Variants in IL6ST observed in about 807,000 individuals in gnomAD.
IL6ST encodes interleukin 6 cytokine family signal transducer.
IL6ST carries 24 observed loss-of-function variants against 91.3 expected under a neutral mutation model. The ratio of observed to expected loss-of-function variants is 0.26; its 90% CI spans 0.19 to 0.37. The LOEUF is 0.37. Among genes scored for constraint, IL6ST ranks in the 10% least tolerant of loss-of-function variants. The pLI is 1.00. For missense variants in IL6ST, 914 were observed against 1,078.5 expected, an observed-to-expected ratio of 0.85 and a Z score of 2.14; for synonymous variants, 351 against 373.6, an observed-to-expected ratio of 0.94 and a Z score of 0.70.
In IL6ST at chr5:55,936,885, G is replaced by A. The variant is rs1750564441; in HGVS notation, c.*4197C>T. On this transcript the variant is annotated 3_prime_UTR_variant, in exon 17 of 17. Transcript: ENST00000381298. ...GAACATGAAAGGATTGCACTTAGAAGAAAGTGGGACATAGCTAGGATATAA... is the reference window on the plus strand; with the variant it reads ...GAACATGAAAGGATTGCACTTAGAAAAAAGTGGGACATAGCTAGGATATAA... 5.0e-6 allele frequency: 1 copy of A among 198,402 alleles called. No homozygotes were observed. Among genetic ancestry groups the A allele is most frequent in the African/African-American group, 2.3e-5 (1 of 43,452 alleles). The allele number at this position is 198,402 out of a possible 1,614,324, so 12.3% of individuals were successfully genotyped here.
intron 15 of IL6ST, among the ~76,000 whole-genome samples, chr5:55,944,123 A>ACAT (rs1751093435): frequency 2.0e-5 from 3 of 152,160 alleles, no homozygotes. Context: ...CCTACAGCTA[A>ACAT]CATCACATGT....
At chr5:55,964,363 T>A (rs2111775344) in intron 5 of IL6ST, 51 bp from the exon 6 acceptor site, 2 of 1,377,120 alleles carry the variant, frequency 1.5e-6, no homozygotes, top group Admixed American at 2.0e-5. Flanking sequence ...TCTGAAAAAA[T>A]TAGAGTGAAA....
At chr5:55,971,315 T>A (rs1443375281) in intron 3 of IL6ST, among the ~76,000 whole-genome samples, 1 of 152,154 alleles carries the variant, frequency 6.6e-6, no homozygotes, top group African/African-American at 2.4e-5. Flanking sequence ...AATAAGCATA[T>A]CAACATCTTC....
chr5:55,938,914 G>A lies in IL6ST; in HGVS notation c.*2168C>T, dbSNP rs1449608038. ...GGGGTATATTCACTCACTGTACCAT[G>A]TTTTATACAGGCTTCAACATGCAAA... On this transcript the variant is annotated 3_prime_UTR_variant, in exon 17 of 17. Transcript: ENST00000381298. 9.9e-6 allele frequency: 2 copies of A among 203,012 alleles called. No homozygotes were observed. Among genetic ancestry groups the A allele is most frequent in the Admixed American group, 1.2e-4 (2 of 16,746 alleles). 12.6% of individuals were successfully genotyped at this position (203,012 alleles called of 1,614,324 possible).
At chr5:55,963,607 T>G (rs1752465102) in intron 6 of IL6ST, 101 bp from the exon 7 acceptor site, 1 of 861,246 alleles carries the variant, frequency 1.2e-6, no homozygotes, top group Non-Finnish European at 1.8e-6. Flanking sequence ...TTACAATAAT[T>G]TATCCTTACC....
chr5:55,956,757 A>G (rs1336044952), intron 9 of IL6ST, among the ~76,000 whole-genome samples: 1 of 152,244 alleles, frequency 6.6e-6, no homozygotes, highest in Non-Finnish European at 1.5e-5. Context: ...ATTAATACAT[A>G]TAAAGCATTA....
intron 1 of IL6ST, among the ~76,000 whole-genome samples, 159 bp from the exon 2 acceptor site, chr5:55,982,970 C>T (rs1753747068): frequency 6.7e-6 from 1 of 149,396 alleles, no homozygotes; most frequent in Non-Finnish European, 1.5e-5. Flanking sequence ...CCCATAAACA[C>T]TTGTATAAGA....
intron 7 of IL6ST, among the ~76,000 whole-genome samples, chr5:55,962,008 A>G (rs1301396822): frequency 1.3e-5 from 2 of 152,204 alleles, no homozygotes; most frequent in East Asian, 3.8e-4. Flanking sequence ...GAAAAACAAA[A>G]GTTTTCCTGG....
intron 3 of IL6ST, among the ~76,000 whole-genome samples, chr5:55,975,063 T>C (rs1753206058): frequency 6.6e-6 from 1 of 151,916 alleles, no homozygotes; most frequent in Non-Finnish European, 1.5e-5. Context: ...TGGCTCACTG[T>C]GACCTCGAGG....
At chr5:55,994,533 G>A (rs889240112) in intron 1 of IL6ST, among the ~76,000 whole-genome samples, 7 of 151,638 alleles carry the variant, frequency 4.6e-5, no homozygotes, top group Non-Finnish European at 8.8e-5. Flanking sequence ...GCGTTAAGAG[G>A]GGTGCGTGCG....
chr5:55,955,408 T>C (rs558582367), intron 10 of IL6ST, among the ~76,000 whole-genome samples: 2 of 152,234 alleles, frequency 1.3e-5, no homozygotes, highest in East Asian at 3.9e-4. Context: ...GATCGTGCCA[T>C]TGCACTCCAG....
At chr5:55,947,854 C>G (rs888992988) in intron 14 of IL6ST, among the ~76,000 whole-genome samples, 110 of 152,130 alleles carry the variant, frequency 7.2e-4, no homozygotes, top group African/African-American at 2.5e-3. Context: ...TAAAAATGAT[C>G]AGTGTATCGG....
chr5:55,959,603 A>AC (rs1313187311), intron 8 of IL6ST: 5 of 1,242,938 alleles, frequency 4.0e-6, no homozygotes, highest in Non-Finnish European at 5.3e-6. Flanking sequence ...TCTATAGGAG[A>AC]AAAAAGGAAA....
intron 15 of IL6ST, among the ~76,000 whole-genome samples, chr5:55,945,296 G>A (rs537809455): frequency 2.0e-5 from 3 of 152,120 alleles, no homozygotes; most frequent in East Asian, 3.9e-4. Context: ...GCATAAGAAC[G>A]GACATATATA....
rs139764167 is a variant in IL6ST, at chr5:55,942,675, G to A, written c.2014C>T (p.Pro672Ser). The A allele has an allele frequency of 2.4e-5, 38 of 1,576,662 alleles. No homozygotes were observed. The highest frequency in any genetic ancestry group is 3.1e-5 in the Non-Finnish European group (35 of 1,147,470). Residue 672 changes from proline to serine, a missense_variant, in exon 16 of 17, where the codon CCA (proline) becomes TCA (serine). Pro to Ser is a moderately conservative substitution (Grantham distance 74). Transcript: ENST00000381298. The part of the protein sequence containing the change: ...HIAQWSPHTP[P>S]RHNFNSKDQM... ...TCAGAAGCATTTTCTCTTACCCTTG[G>A]AGGAGTGTGAGGTGACCACTGGGCA...
chr5:55,950,535 CAAAAAA>C lies in IL6ST; in HGVS notation c.1840+923_1840+928del, dbSNP rs70995750. Among the ~76,000 whole-genome samples the C allele has an allele frequency of 7.6e-3, 222 of 29,364 alleles. 2 individuals are homozygous for C. The highest frequency in any genetic ancestry group is 0.02 in the African/African-American group (211 of 10,474). The allele number at this position is 29,364 out of a possible 152,430, so 19.3% of individuals were successfully genotyped here. A position where few individuals can be genotyped will look rare whatever the true frequency, so the allele number is the denominator to read the frequency against. ...TGGGTGACAGAGCGAGACTCTGTCT[CAAAAAA>C]AAAAAAAAAAAAAAAAAAAGCAAAA... On this transcript the variant is annotated intron_variant, in intron 14 of 16. Coordinates refer to ENST00000381298, the MANE Select transcript of IL6ST (RefSeq NM_002184.4).
rs1750763506 is a variant in IL6ST at position 55,939,725 on chromosome 5, A to G, written c.*1357T>C. On this transcript the variant is annotated 3_prime_UTR_variant, in exon 17 of 17. Transcript: ENST00000381298. The stretch of plus-strand genomic sequence containing the variant: ...TCGCACGTGGTGGTTAGGGGACAGC[A>G]TAAGTACACTAGCGGCTTTAGCACT... 4.8e-6 allele frequency: 1 copy of G among 208,842 alleles called. No homozygotes were observed. Among genetic ancestry groups the G allele is most frequent in the Non-Finnish European group, 9.8e-6 (1 of 102,404 alleles). The allele number at this position is 208,842 out of a possible 1,614,324, so 12.9% of individuals were successfully genotyped here. A position where few individuals can be genotyped will look rare whatever the true frequency, so the allele number is the denominator to read the frequency against.
At position 55,939,796 on chromosome 5, in the gene IL6ST, A is replaced by G. The variant is rs1382973369; in HGVS notation, c.*1286T>C. On this transcript the variant is annotated 3_prime_UTR_variant, in exon 17 of 17. Coordinates refer to ENST00000381298, the MANE Select transcript of IL6ST (RefSeq NM_002184.4). ...TTCTCCCTTGAAGAAAAAAGGTTTT[A>G]AAAATTCCTAAATCACAATGTAGAA... is the stretch of plus-strand genomic sequence containing the variant. 6 of 204,324 alleles carry G rather than the reference A, an allele frequency of 2.9e-5. No individual in the cohort carries two copies. Among genetic ancestry groups the G allele is most frequent in the Admixed American group, 5.9e-5 (1 of 16,810 alleles). 12.7% of individuals were successfully genotyped at this position (204,324 alleles called of 1,614,324 possible). A position where few individuals can be genotyped will look rare whatever the true frequency, so the allele number is the denominator to read the frequency against.
intron 15 of IL6ST, among the ~76,000 whole-genome samples, chr5:55,946,242 T>C (rs1422446354): frequency 3.9e-5 from 6 of 152,174 alleles, no homozygotes; most frequent in Non-Finnish European, 5.9e-5. Context: ...TTGGTGATAA[T>C]ATGGAACACT....
Sources: gnomAD v4.1 joint callset for allele counts (sites outside exome capture counted in the v4.1 genomes callset) on GRCh38, gnomAD v4.1.1 for gene constraint, MANE v1.5 for transcripts, NCBI Gene and HGNC (gene_info 2026-07-23, HGNC 2026-07-21) for gene names.